MRPL13: variants seen among roughly 807,000 people sequenced by gnomAD.
The protein encoded by MRPL13 is mitochondrial ribosomal protein L13.
A neutral mutation model predicts 29.0 loss-of-function variants in MRPL13; 33 were observed. The observed-to-expected ratio is 1.14, with a 90% CI of 0.86 to 1.52. The LOEUF (loss-of-function observed/expected upper bound fraction) is 1.52, where lower values mean the gene tolerates loss of function less well. Ranked by LOEUF, MRPL13 falls within the 40% of genes most tolerant of loss-of-function variation. MRPL13 has a pLI of 0.00. For missense variants in MRPL13, 227 were observed against 216.7 expected (o/e 1.05, Z -0.30); for synonymous variants, 77 against 68.4 (o/e 1.13, Z -0.62).
intron 2 of MRPL13, among the ~76,000 whole-genome samples, chr8:120,438,075 G>A (rs1813075620): frequency 6.6e-6 from 1 of 152,164 alleles, no homozygotes; most frequent in Admixed American, 6.6e-5. Flanking sequence ...TAAATACACT[G>A]AAACATGCCC....
At chr8:120,417,371 G>A (rs1435817708) in intron 5 of MRPL13, among the ~76,000 whole-genome samples, 1 of 152,096 alleles carries the variant, frequency 6.6e-6, no homozygotes, top group Non-Finnish European at 1.5e-5. Context: ...GTGGTATTTG[G>A]AAACTATAAA....
At chr8:120,424,418 T>A (rs561266430) in intron 4 of MRPL13, among the ~76,000 whole-genome samples, 42 of 152,208 alleles carry the variant, frequency 2.8e-4, no homozygotes, top group Middle Eastern at 3.4e-3. Flanking sequence ...GCCCAGGAAT[T>A]TGAGTCCAGC....
chr8:120,396,108 A>G lies in MRPL13; in HGVS notation c.533T>C (p.Leu178Pro), dbSNP rs2130444734. Residue 178 changes from leucine (L) to proline (P), a missense_variant, in exon 7 of 7, where the codon CTA becomes CCA. By Grantham distance (98) the Leu-to-Pro change is moderately conservative. Transcript: ENST00000306185. ...TTTTCTGCAATTCTTATTCTCTTAT[A>G]GCCGATAATCTTCAGGTCTGAAAGA... ...RLWTPPEDYR[L>P] is the part of the protein sequence containing the mutation. 1 of 1,587,204 alleles carries G rather than the reference A, an allele frequency of 6.3e-7. No homozygotes were observed. The highest frequency in any genetic ancestry group is 8.6e-7 in the Non-Finnish European group (1 of 1,162,160).
intron 2 of MRPL13, among the ~76,000 whole-genome samples, chr8:120,434,167 T>C (rs1813027064): frequency 6.6e-6 from 1 of 152,076 alleles, no homozygotes; most frequent in South Asian, 2.1e-4. Flanking sequence ...GGTTACACCA[T>C]CAGGGGCAGC....
At chr8:120,404,609 A>G (rs1812643672) in intron 6 of MRPL13, among the ~76,000 whole-genome samples, 2 of 152,216 alleles carry the variant, frequency 1.3e-5, no homozygotes, top group Non-Finnish European at 1.5e-5. Flanking sequence ...TTCTCTAATC[A>G]TACTGGCTCT....
At chr8:120,413,279 T>C (rs1812761082) in intron 6 of MRPL13, among the ~76,000 whole-genome samples, 1 of 152,222 alleles carries the variant, frequency 6.6e-6, no homozygotes, top group African/African-American at 2.4e-5. Flanking sequence ...AAGACAAACA[T>C]GTAGCTCCCT....
In MRPL13 at chr8:120,434,480, G is replaced by C. The variant is rs999842121; in HGVS notation, c.152-2357C>G. ...GCTAAAATTATATGGCTAATAAGTGGTAAAGTTAAGTTTCAAATACAACTC... is the reference window on the plus strand; with the variant it reads ...GCTAAAATTATATGGCTAATAAGTGCTAAAGTTAAGTTTCAAATACAACTC... On this transcript the variant is annotated intron_variant, in intron 2 of 6. Coordinates refer to ENST00000306185, the MANE Select transcript of MRPL13 (RefSeq NM_014078.6). Among the ~76,000 whole-genome samples, 14 of 152,206 alleles carry C rather than the reference G, an allele frequency of 9.2e-5. No homozygotes were observed. The East Asian group carries it at 2.3e-3, about 25-fold the overall frequency.
chr8:120,443,357 A>T, intron 1 of MRPL13, 49 bp from the exon 2 acceptor site: 1 of 1,408,274 alleles, frequency 7.1e-7, no homozygotes, highest in Non-Finnish European at 9.4e-7. Context: ...AAAGATAATT[A>T]TCATTAAAAT....
At chr8:120,414,595 C>CCTT (rs1346604840) in intron 5 of MRPL13, 2 of 152,188 alleles carry the variant, frequency 1.3e-5, no homozygotes, top group African/African-American at 2.4e-5. Flanking sequence ...AAAGATCAAG[C>CCTT]CTTCTAAAGG....
At chr8:120,443,951 A>C (rs1813165091) in intron 1 of MRPL13, among the ~76,000 whole-genome samples, 1 of 152,014 alleles carries the variant, frequency 6.6e-6, no homozygotes. Flanking sequence ...AAATTCTTAG[A>C]AAATTCTAGG....
At chr8:120,425,464 T>C (rs1812922235) in intron 3 of MRPL13, 98 bp from the exon 4 acceptor site, 1 of 831,276 alleles carries the variant, frequency 1.2e-6, no homozygotes, top group Admixed American at 2.7e-5. Flanking sequence ...AATAAATTGT[T>C]TCTCGAAACT....
intron 2 of MRPL13, among the ~76,000 whole-genome samples, 192 bp from the exon 3 acceptor site, chr8:120,432,315 G>A (rs1813005516): frequency 6.6e-6 from 1 of 152,062 alleles, no homozygotes; most frequent in South Asian, 2.1e-4. Context: ...TATAGAAAGA[G>A]TTGGCTGGCC....
At chr8:120,436,671 G>A (rs745597717) in intron 2 of MRPL13, among the ~76,000 whole-genome samples, 2 of 152,130 alleles carry the variant, frequency 1.3e-5, no homozygotes, top group Non-Finnish European at 2.9e-5. Context: ...TTTTTAAAGT[G>A]CAGGTGATTC....
At position 120,419,837 on chromosome 8, in the gene MRPL13, T is replaced by A; in HGVS notation, c.393+15A>T. The A allele has an allele frequency of 6.4e-7, 1 of 1,567,928 alleles. No homozygotes were observed. The highest frequency in any genetic ancestry group is 2.3e-5 in the East Asian group (1 of 43,112). ...AATTTTGGAAAAGCATTGTTACCAATGACCACTGACTTACCTCATCTGGAA... is the reference window on the plus strand; with the variant it reads ...AATTTTGGAAAAGCATTGTTACCAAAGACCACTGACTTACCTCATCTGGAA... On this transcript the variant is annotated intron_variant, in intron 5 of 6. Transcript: ENST00000306185.
At chr8:120,436,672 C>T (rs1813058474) in intron 2 of MRPL13, among the ~76,000 whole-genome samples, 1 of 152,134 alleles carries the variant, frequency 6.6e-6, no homozygotes, top group Non-Finnish European at 1.5e-5. Flanking sequence ...TTTTAAAGTG[C>T]AGGTGATTCA....
chr8:120,416,728 C>G (rs1812808282), intron 5 of MRPL13, among the ~76,000 whole-genome samples: 1 of 152,098 alleles, frequency 6.6e-6, no homozygotes. Context: ...GACATGTTTG[C>G]TTTCTCTTTT....
chr8:120,408,332 G>A (rs1376658864), intron 6 of MRPL13, among the ~76,000 whole-genome samples: 1 of 152,160 alleles, frequency 6.6e-6, no homozygotes, highest in Non-Finnish European at 1.5e-5. Flanking sequence ...GTCAAAATCT[G>A]TATCAGCTAG....
chr8:120,400,741 TAA>T (rs200517890), intron 6 of MRPL13, among the ~76,000 whole-genome samples: 1 of 83,098 alleles, frequency 1.2e-5, no homozygotes, highest in African/African-American at 4.0e-5. Flanking sequence ...AATAAATAAA[TAA>T]AAAAAATAGA....
intron 1 of MRPL13, 65 bp downstream of exon 1, chr8:120,445,003 C>G: frequency 6.2e-7 from 1 of 1,609,334 alleles, no homozygotes. Flanking sequence ...CTTAATCTGC[C>G]GGAACCAACG....
Sources: allele counts gnomAD v4.1 joint callset (sites outside exome capture counted in the v4.1 genomes callset), GRCh38; gene constraint gnomAD v4.1.1; transcripts MANE v1.5; gene names NCBI Gene and HGNC (gene_info 2026-07-23, HGNC 2026-07-21).